RGS13: variants seen among roughly 807,000 people sequenced by gnomAD.
RGS13 encodes regulator of G-protein signalling 13.
In RGS13, 14 loss-of-function variants were observed where a neutral mutation model predicts 19.9. The observed-to-expected ratio is 0.70, with a 90% CI of 0.46 to 1.10. The LOEUF is 1.10. RGS13 is among the 50% of genes least tolerant of loss of function. RGS13 has a pLI of 0.00. For missense variants in RGS13, 205 were observed against 187.1 expected (o/e 1.10, Z -0.56); for synonymous variants, 60 against 56.8 (o/e 1.06, Z -0.25).
intron 3 of RGS13, among the ~76,000 whole-genome samples, chr1:192,640,329 C>T (rs534663967): frequency 6.6e-6 from 1 of 152,256 alleles, no homozygotes; most frequent in Admixed American, 6.5e-5. Context: ...CAGCTATTGA[C>T]AGTCAATGTA....
At chr1:192,656,188 T>C (rs1663434392) in intron 5 of RGS13, among the ~76,000 whole-genome samples, 2 of 152,044 alleles carry the variant, frequency 1.3e-5, no homozygotes, top group South Asian at 4.1e-4. Flanking sequence ...ACTCATCCAC[T>C]CAACCCATCC....
intron 5 of RGS13, among the ~76,000 whole-genome samples, chr1:192,654,658 G>T: frequency 6.6e-6 from 1 of 152,014 alleles, no homozygotes; most frequent in Admixed American, 6.6e-5. Flanking sequence ...TTTCCTGCCT[G>T]GTGTAAGCCT....
At chr1:192,648,114 T>G in intron 5 of RGS13, 127 bp downstream of exon 5, 3 of 530,532 alleles carry the variant, frequency 5.7e-6, no homozygotes. Flanking sequence ...ACTGACACAG[T>G]TAAAAAAAGA....
chr1:192,644,318 T>G lies in RGS13; in HGVS notation c.-4-13T>G. ...ATGATTAAATTATACAAATATATAC[T>G]GTATTTCCTTAGAAAAATGAGCAGG... is the stretch of plus-strand genomic sequence containing the variant. On this transcript the variant is annotated splice_polypyrimidine_tract_variant and intron_variant, in intron 3 of 6. Transcript: ENST00000391995. The G allele has an allele frequency of 1.3e-6, 2 of 1,577,232 alleles. No individual in the cohort carries two copies. Among genetic ancestry groups the G allele is most frequent in the South Asian group, 1.1e-5 (1 of 89,384 alleles).
chr1:192,639,408 C>T (rs1249486202), intron 3 of RGS13, among the ~76,000 whole-genome samples: 2 of 152,152 alleles, frequency 1.3e-5, no homozygotes, highest in African/African-American at 4.8e-5. Context: ...GTTGTAGACC[C>T]AACTAATTCT....
chr1:192,636,576 T>C (rs1168098797), intron 1 of RGS13, among the ~76,000 whole-genome samples: 1 of 152,074 alleles, frequency 6.6e-6, no homozygotes, highest in Admixed American at 6.6e-5. Context: ...AAGTATATTA[T>C]TTCATTTTAT....
chr1:192,651,812 C>T (rs74722769), intron 5 of RGS13, among the ~76,000 whole-genome samples: 3,094 of 152,050 alleles, frequency 0.02, 79 homozygotes, highest in Non-Finnish European at 0.028. Context: ...CAGTAGATTG[C>T]TTAGGAGAGG....
intron 5 of RGS13, among the ~76,000 whole-genome samples, chr1:192,657,413 C>T (rs891730148): frequency 1.3e-5 from 2 of 152,044 alleles, no homozygotes; most frequent in African/African-American, 2.4e-5. Context: ...AATATTACTA[C>T]CTACAAAGTA....
intron 3 of RGS13, among the ~76,000 whole-genome samples, chr1:192,642,831 A>C (rs1424949141): frequency 6.6e-6 from 1 of 152,022 alleles, no homozygotes; most frequent in South Asian, 2.1e-4. Context: ...TCCTGTATCC[A>C]AGTCCCCATC....
intron 5 of RGS13, 34 bp downstream of exon 5, chr1:192,648,021 T>A (rs1199714239): frequency 6.9e-7 from 1 of 1,454,580 alleles, no homozygotes; most frequent in Non-Finnish European, 9.5e-7. Flanking sequence ...TTTGAATAAC[T>A]AGCGAGTTCC....
intron 5 of RGS13, among the ~76,000 whole-genome samples, chr1:192,651,234 G>C (rs1255120148): frequency 2.0e-5 from 3 of 152,104 alleles, no homozygotes; most frequent in Admixed American, 2.0e-4. Context: ...AGACTGCTGA[G>C]AAGTCAGCTG....
At chr1:192,659,133 C>T in intron 6 of RGS13, 1 of 387,724 alleles carries the variant, frequency 2.6e-6, no homozygotes, top group Non-Finnish European at 4.5e-6. Flanking sequence ...TTTTTTGTTC[C>T]TCTTGGATGT....
chr1:192,648,505 T>C (rs1276453517), intron 5 of RGS13, among the ~76,000 whole-genome samples: 6 of 152,106 alleles, frequency 3.9e-5, no homozygotes, highest in Non-Finnish European at 7.4e-5. Context: ...GACAAAGTCA[T>C]GGGCTCAGTG....
chr1:192,654,535 A>G (rs759738997), intron 5 of RGS13, among the ~76,000 whole-genome samples: 3 of 152,078 alleles, frequency 2.0e-5, no homozygotes, highest in East Asian at 1.9e-4. Context: ...CACACATACT[A>G]TGGTAGAATT....
At chr1:192,649,002 G>A (rs1663269238) in intron 5 of RGS13, among the ~76,000 whole-genome samples, 1 of 152,044 alleles carries the variant, frequency 6.6e-6, no homozygotes, top group Admixed American at 6.6e-5. Context: ...TAGACACTTG[G>A]CTACTCCTGC....
chr1:192,637,776 AT>A (rs1165598147), intron 2 of RGS13, 116 bp downstream of exon 2: 1 of 152,010 alleles, frequency 6.6e-6, no homozygotes, highest in African/African-American at 2.4e-5. Context: ...ATTTAAAGTT[AT>A]TTTTTATTTT....
At chr1:192,653,688 T>A (rs1316861297) in intron 5 of RGS13, among the ~76,000 whole-genome samples, 1 of 152,026 alleles carries the variant, frequency 6.6e-6, no homozygotes, top group Non-Finnish European at 1.5e-5. Context: ...TATGAAAGAA[T>A]AAGAATGATA....
intron 5 of RGS13, among the ~76,000 whole-genome samples, chr1:192,648,273 T>A (rs1243098525): frequency 6.6e-6 from 1 of 152,200 alleles, no homozygotes; most frequent in East Asian, 1.9e-4. Flanking sequence ...CATAGCCTTC[T>A]AAAGTTAGTA....
chr1:192,639,632 A>G (rs1221003989), intron 3 of RGS13, among the ~76,000 whole-genome samples: 1 of 152,180 alleles, frequency 6.6e-6, no homozygotes, highest in Non-Finnish European at 1.5e-5. Context: ...GGTACATACA[A>G]AAGAACTTAG....
Sources: allele counts gnomAD v4.1 joint callset (sites outside exome capture counted in the v4.1 genomes callset), GRCh38; gene constraint gnomAD v4.1.1; transcripts MANE v1.5; gene names NCBI Gene and HGNC (gene_info 2026-07-23, HGNC 2026-07-21).